The following CASS4 variants were observed in gnomAD, a reference collection of about 807,000 sequenced individuals.
CASS4 encodes the protein cas scaffolding protein family member 4.
Under a neutral mutation model 54.2 loss-of-function variants are expected in CASS4, and 22 were observed. The observed-to-expected ratio is 0.41, with a 90% CI of 0.29 to 0.58. The LOEUF (loss-of-function observed/expected upper bound fraction) is 0.58, where lower values mean the gene tolerates loss of function less well. Among genes scored for constraint, CASS4 ranks in the 20% least tolerant of loss-of-function variants. The probability of loss-of-function intolerance (pLI) is 0.36; values close to 1 mark genes in which losing one functional copy is unlikely to be tolerated. For missense variants in CASS4, 854 were observed against 986.7 expected (o/e 0.87, Z 1.80); for synonymous variants, 409 against 391.5 (o/e 1.04, Z -0.53).
At chr20:56,445,590 G>A (rs111856018) in intron 2 of CASS4, among the ~76,000 whole-genome samples, 3,219 of 152,244 alleles carry the variant, frequency 0.021, 138 homozygotes, top group African/African-American at 0.073. Context: ...GGCCCCCCTC[G>A]ACACCCAGAG....
rs558793338 is a variant in CASS4, at chr20:56,423,797, G to A, written c.36+11303G>A. 1.4e-4 allele frequency among the ~76,000 whole-genome samples: 22 copies of A among 152,144 alleles called. No homozygotes were observed. The South Asian group carries it at 3.9e-3, about 27-fold the overall frequency. On this transcript the variant is annotated intron_variant, in intron 1 of 5. Coordinates refer to ENST00000679887, the MANE Select transcript of CASS4 (RefSeq NM_020356.4). Reference sequence around the variant, plus strand: ...TGACCTCAAGTGATCCGCACACCTCGGCGTCCCAAAGTGTTGGGATTACAG... The same window carrying A: ...TGACCTCAAGTGATCCGCACACCTCAGCGTCCCAAAGTGTTGGGATTACAG...
intron 1 of CASS4, among the ~76,000 whole-genome samples, chr20:56,420,632 C>T (rs1368684849): frequency 2.0e-5 from 3 of 151,204 alleles, no homozygotes; most frequent in African/African-American, 7.3e-5. Context: ...TGACCTCAAG[C>T]AGTCCTCCTG....
intron 1 of CASS4, among the ~76,000 whole-genome samples, chr20:56,429,530 G>A (rs920337585): frequency 1.3e-5 from 2 of 152,102 alleles, no homozygotes; most frequent in African/African-American, 4.8e-5. Context: ...TGGAAATTAG[G>A]AGCCAGGGCC....
In CASS4 at chr20:56,412,344, C is replaced by G; in HGVS notation, c.-115C>G. On this transcript the variant is annotated 5_prime_UTR_variant, in exon 1 of 6. Coordinates refer to ENST00000679887, the MANE Select transcript of CASS4 (RefSeq NM_020356.4). The surrounding 1 kb of genome is among the most constrained non-coding windows in gnomAD (Gnocchi z 4.2). ...TTTCCCATGTGTTGTCAGATAGCTC[C>G]ATAGAATTCAGTTTCTGAGAACCAG... 2 of 1,120,538 alleles carry G rather than the reference C, an allele frequency of 1.8e-6. No homozygotes were observed. Among genetic ancestry groups the G allele is most frequent in the Non-Finnish European group, 2.6e-6 (2 of 757,822 alleles). 69.4% of individuals were successfully genotyped at this position (1,120,538 alleles called of 1,614,324 possible). A position where few individuals can be genotyped will look rare whatever the true frequency, so the allele number is the denominator to read the frequency against.
At chr20:56,418,402 C>T (rs1979249806) in intron 1 of CASS4, among the ~76,000 whole-genome samples, 1 of 152,114 alleles carries the variant, frequency 6.6e-6, no homozygotes, top group African/African-American at 2.4e-5. Flanking sequence ...TAACATAGGG[C>T]CTGGTCGGCC....
rs902983050 is a variant in CASS4, at chr20:56,434,740, G to A, written c.37-2424G>A. Reference sequence around the variant, plus strand: ...ATTACAGACATGAGCCACTGTGCCCGGTCCCACAATTTATTTTTAAGTGGG... The same window carrying A: ...ATTACAGACATGAGCCACTGTGCCCAGTCCCACAATTTATTTTTAAGTGGG... On this transcript the variant is annotated intron_variant, in intron 1 of 5. Coordinates refer to ENST00000679887, the MANE Select transcript of CASS4 (RefSeq NM_020356.4). 8.6e-5 allele frequency among the ~76,000 whole-genome samples: 13 copies of A among 151,912 alleles called. No individual in the cohort carries two copies. The East Asian group carries it at 1.5e-3, about 18-fold the overall frequency.
chr20:56,457,378 T>C (rs1981350854), intron 5 of CASS4, among the ~76,000 whole-genome samples: 1 of 152,222 alleles, frequency 6.6e-6, no homozygotes, highest in Non-Finnish European at 1.5e-5. Flanking sequence ...CACCTTTCAA[T>C]TGTTACCTGG....
rs1226231809 is a variant in CASS4 at position 56,437,429 on chromosome 20, C to T, written c.302C>T (p.Pro101Leu). ...PASSEETYQV[P>L]TLPRPPTPGP... is the part of the protein sequence containing the mutation. Reference sequence around the variant, plus strand: ...AGCTCAGAGGAGACCTATCAGGTGCCCACTCTACCCCGCCCTCCCACTCCA... The same window carrying T: ...AGCTCAGAGGAGACCTATCAGGTGCTCACTCTACCCCGCCCTCCCACTCCA... Residue 101 changes from proline to leucine, a missense_variant, in exon 2 of 6, where the codon CCC (proline) becomes CTC (leucine). Physicochemically the swap from Pro to Leu is moderately conservative, Grantham distance 98 (BLOSUM62 -3). Coordinates refer to ENST00000679887, the MANE Select transcript of CASS4 (RefSeq NM_020356.4). This position sits in a 1 kb window ranked among gnomAD's most constrained non-coding sequence, Gnocchi z 4.7. The T allele has an allele frequency of 1.9e-6, 3 of 1,613,986 alleles. No individual in the cohort carries two copies. Among genetic ancestry groups the T allele is most frequent in the Non-Finnish European group, 2.5e-6 (3 of 1,179,914 alleles).
intron 1 of CASS4, among the ~76,000 whole-genome samples, chr20:56,435,864 A>T (rs2146279540): frequency 6.6e-6 from 1 of 151,936 alleles, no homozygotes; most frequent in African/African-American, 2.4e-5. Flanking sequence ...GACTTTCCTG[A>T]CTCAGTCTCC....
rs1451429263 is a variant in CASS4 at position 56,452,273 on chromosome 20, T to C, written c.1097T>C (p.Leu366Pro). The part of the protein sequence containing the change: ...TSSVSQAGKE[L>P]EKAKEVSENS... Reference sequence around the variant, plus strand: ...AGTGTTTCTCAGGCTGGGAAGGAGCTGGAGAAAGCCAAGGAGGTGTCAGAG... The same window carrying C: ...AGTGTTTCTCAGGCTGGGAAGGAGCCGGAGAAAGCCAAGGAGGTGTCAGAG... Residue 366 changes from leucine to proline, a missense_variant, in exon 5 of 6, where the codon CTG becomes CCG. By Grantham distance (98) the Leu-to-Pro change is moderately conservative (BLOSUM62 -3). Transcript: ENST00000679887. The C allele has an allele frequency of 6.2e-7, 1 of 1,613,782 alleles. No homozygotes were observed. Among genetic ancestry groups the C allele is most frequent in the Non-Finnish European group, 8.5e-7 (1 of 1,180,034 alleles).
intron 1 of CASS4, among the ~76,000 whole-genome samples, chr20:56,419,397 C>T (rs1053818263): frequency 6.6e-6 from 1 of 152,112 alleles, no homozygotes; most frequent in African/African-American, 2.4e-5. Flanking sequence ...ATATGCGTGG[C>T]CTCTTGTTCC....
rs140450802 is a variant in CASS4 at position 56,452,152 on chromosome 20, G to T, written c.976G>T (p.Asp326Tyr). The T allele has an allele frequency of 3.7e-6, 6 of 1,614,062 alleles. No individual in the cohort carries two copies. The highest frequency in any genetic ancestry group is 5.1e-6 in the Non-Finnish European group (6 of 1,180,044). Residue 326 changes from aspartate to tyrosine, a missense_variant, in exon 5 of 6, where the codon GAT becomes TAT. Transcript: ENST00000679887. ...CAGAGGCACATTTCCTTTGGATGAA[G>T]ATGTCAGCTACAAGGTTCCTTCAAG... ...VPRGTFPLDE[D>Y]VSYKVPSSFL... is the part of the protein sequence containing the mutation.
chr20:56,416,281 C>A (rs538010374), intron 1 of CASS4, among the ~76,000 whole-genome samples: 1 of 152,260 alleles, frequency 6.6e-6, no homozygotes, highest in Non-Finnish European at 1.5e-5. Context: ...AACTCCTGAC[C>A]TCAAGTTATC....
chr20:56,455,426 C>T (rs1722885551), intron 5 of CASS4, among the ~76,000 whole-genome samples: 1 of 152,122 alleles, frequency 6.6e-6, no homozygotes, highest in African/African-American at 2.4e-5. Context: ...AAAAGGATGT[C>T]CAATGATAGG....
chr20:56,458,165 T>C (rs1386154322), intron 5 of CASS4, among the ~76,000 whole-genome samples, 175 bp from the exon 6 acceptor site: 1 of 151,912 alleles, frequency 6.6e-6, no homozygotes, highest in East Asian at 1.9e-4. Context: ...TATATTACAG[T>C]GCTTTGAAAA....
Position 56,452,313 on chromosome 20 carries a change from T to C in CASS4, c.1137T>C (p.His379=). 6.2e-7 allele frequency: 1 copy of C among 1,613,894 alleles called. No homozygotes were observed. The highest frequency in any genetic ancestry group is 8.5e-7 in the Non-Finnish European group (1 of 1,180,038). Residue 379 remains histidine (H), a synonymous_variant, in exon 5 of 6, where the codon CAT becomes CAC. Transcript: ENST00000679887. ...AGGTGTCAGAGAATTCCGCGGGCCATAATTCCTCATGGTTCTCCAGACGGA... is the reference window on the plus strand; with the variant it reads ...AGGTGTCAGAGAATTCCGCGGGCCACAATTCCTCATGGTTCTCCAGACGGA... ...AKEVSENSAG[H]NSSWFSRRTT...
At chr20:56,449,344 C>A (rs1980881182) in intron 3 of CASS4, among the ~76,000 whole-genome samples, 1 of 151,930 alleles carries the variant, frequency 6.6e-6, no homozygotes, top group Non-Finnish European at 1.5e-5. Context: ...TCATTCTGCA[C>A]AAACTATTGC....
chr20:56,444,700 T>C (rs547342727), intron 2 of CASS4, among the ~76,000 whole-genome samples: 2 of 152,318 alleles, frequency 1.3e-5, no homozygotes, highest in South Asian at 4.1e-4. Flanking sequence ...GCCAACATCA[T>C]TGAGCTCTGG....
At chr20:56,457,338 C>T (rs1289803154) in intron 5 of CASS4, among the ~76,000 whole-genome samples, 1 of 152,124 alleles carries the variant, frequency 6.6e-6, no homozygotes, top group Admixed American at 6.6e-5. Flanking sequence ...ATGGAATAGC[C>T]GGAGGCAGCC....
Sources: allele counts gnomAD v4.1 joint callset (sites outside exome capture counted in the v4.1 genomes callset), GRCh38; gene constraint gnomAD v4.1.1; non-coding constraint Gnocchi (gnomAD v3.1); transcripts MANE v1.5; gene names NCBI Gene and HGNC (gene_info 2026-07-23, HGNC 2026-07-21).